The following TUBE1 variants were observed in gnomAD, a reference collection of about 807,000 sequenced individuals.
TUBE1 encodes the protein tubulin epsilon 1.
A neutral mutation model predicts 53.5 loss-of-function variants in TUBE1; 34 were observed. That is an observed-to-expected ratio of 0.64 (90% CI 0.48 to 0.85). The LOEUF (loss-of-function observed/expected upper bound fraction) is 0.85, where lower values mean the gene tolerates loss of function less well. Ranked by LOEUF, TUBE1 falls within the 40% of genes least tolerant of loss-of-function variation. The pLI is 0.00. For missense variants in TUBE1, 532 were observed against 570.5 expected, an observed-to-expected ratio of 0.93 and a Z score of 0.69; for synonymous variants, 177 against 198.4, an observed-to-expected ratio of 0.89 and a Z score of 0.91.
chr6:112,072,753 C>T lies in TUBE1; in HGVS notation c.1094+5G>A. The stretch of plus-strand genomic sequence containing the variant: ...ACAAATTATCTTTAAAAATATAAAC[C>T]AAACCTTTCAATATTTCTACGAAGA... On this transcript the variant is annotated splice_donor_5th_base_variant and intron_variant, in intron 10 of 11. Transcript: ENST00000368662. The T allele has an allele frequency of 6.2e-7, 1 of 1,612,040 alleles. No individual in the cohort carries two copies. Among genetic ancestry groups the T allele is most frequent in the Non-Finnish European group, 8.5e-7 (1 of 1,178,936 alleles).
intron 6 of TUBE1, 152 bp downstream of exon 6, chr6:112,079,481 T>C (rs1583595746): frequency 3.6e-6 from 2 of 557,818 alleles, no homozygotes; most frequent in South Asian, 6.1e-5. Flanking sequence ...AATTTTAAGA[T>C]AAAAAGGTGT....
In TUBE1 at chr6:112,071,934, T is replaced by C; in HGVS notation, c.1237A>G (p.Lys413Glu). The C allele has an allele frequency of 1.2e-6, 2 of 1,609,332 alleles. No homozygotes were observed. The highest frequency in any genetic ancestry group is 1.7e-6 in the Non-Finnish European group (2 of 1,178,848). The part of the protein sequence containing the change: ...TCVKPTFMEL[K>E]ERFMRLYKKK... ...TTGTAGAGCCTCATGAATCTCTCTT[T>C]CAGTTCCATGAAGGTGGGCTTCACA... Residue 413 changes from lysine to glutamate, a missense_variant, in exon 11 of 12, where the codon AAA becomes GAA. Physicochemically the swap from Lys to Glu is moderately conservative, Grantham distance 56. Coordinates refer to ENST00000368662, the MANE Select transcript of TUBE1 (RefSeq NM_016262.5).
chr6:112,084,263 T>G lies in TUBE1; in HGVS notation c.153-17A>C. 1 of 1,604,512 alleles carries G rather than the reference T, an allele frequency of 6.2e-7. No individual in the cohort carries two copies. Among genetic ancestry groups the G allele is most frequent in the Non-Finnish European group, 8.5e-7 (1 of 1,172,202 alleles). ...CCAACCACTCTGAAAGATAAAAAAATGAGAAATGGTCATAAGATCTTCCAT... is the reference window on the plus strand; with the variant it reads ...CCAACCACTCTGAAAGATAAAAAAAGGAGAAATGGTCATAAGATCTTCCAT... On this transcript the variant is annotated splice_polypyrimidine_tract_variant and intron_variant, in intron 3 of 11. Coordinates refer to ENST00000368662, the MANE Select transcript of TUBE1 (RefSeq NM_016262.5).
chr6:112,072,605 A>C (rs1315378000), intron 10 of TUBE1, among the ~76,000 whole-genome samples, 153 bp downstream of exon 10: 1 of 152,198 alleles, frequency 6.6e-6, no homozygotes, highest in Non-Finnish European at 1.5e-5. Context: ...TTACACTTGA[A>C]GAAAACAAGG....
chr6:112,079,487 G>A (rs1777033366), intron 6 of TUBE1, 146 bp downstream of exon 6: 2 of 584,124 alleles, frequency 3.4e-6, no homozygotes, highest in Non-Finnish European at 5.5e-6. Context: ...AAGATAAAAA[G>A]GTGTATGTTT....
intron 5 of TUBE1, 113 bp from the exon 6 acceptor site, chr6:112,079,867 TAAGTA>T (rs781901921): frequency 3.0e-5 from 30 of 993,460 alleles, no homozygotes; most frequent in Non-Finnish European, 4.1e-5. Flanking sequence ...CTTATTGAGC[TAAGTA>T]AAGTCTATTC....
At chr6:112,074,618 A>C (rs1028361755) in intron 9 of TUBE1, 92 bp downstream of exon 9, 2 of 943,234 alleles carry the variant, frequency 2.1e-6, no homozygotes, top group Non-Finnish European at 2.9e-6. Flanking sequence ...GATACAATTA[A>C]ATAACTAGAG....
At chr6:112,073,946 C>T (rs1231060205) in intron 9 of TUBE1, among the ~76,000 whole-genome samples, 4 of 152,084 alleles carry the variant, frequency 2.6e-5, no homozygotes, top group South Asian at 4.2e-4. Context: ...CACTATGTTG[C>T]CCCGGCTGGT....
In TUBE1 at chr6:112,084,070, T is replaced by A. The variant is rs587700489; in HGVS notation, c.210+119A>T. Reference sequence around the variant, plus strand: ...TCTGCTTAGTTATATTTATATTAAATGTGGCTTAGTAATTTTTTTCTACTT... The same window carrying A: ...TCTGCTTAGTTATATTTATATTAAAAGTGGCTTAGTAATTTTTTTCTACTT... On this transcript the variant is annotated intron_variant, in intron 4 of 11. Coordinates refer to ENST00000368662, the MANE Select transcript of TUBE1 (RefSeq NM_016262.5). The A allele has an allele frequency of 3.3e-5, 25 of 749,342 alleles. No homozygotes were observed. In the East Asian group the frequency reaches 6.2e-4, roughly 19 times the overall value. 46.4% of individuals were successfully genotyped at this position (749,342 alleles called of 1,614,324 possible).
chr6:112,081,205 T>C lies in TUBE1; in HGVS notation c.213A>G (p.Ala71=), dbSNP rs1562605245. Residue 71 remains alanine, a splice_region_variant and synonymous_variant, in exon 5 of 12, where the codon GCA becomes GCG. Coordinates refer to ENST00000368662, the MANE Select transcript of TUBE1 (RefSeq NM_016262.5). ...KGKICSLKAR[A]VLIDMEEGVV... ...CCCCTTCTTCCATATCAATCAAGAC[T>C]GCCTGAGAAAGAAAAATAAAATATA... 2 of 1,540,856 alleles carry C rather than the reference T, an allele frequency of 1.3e-6. No homozygotes were observed. The highest frequency in any genetic ancestry group is 1.8e-6 in the Non-Finnish European group (2 of 1,126,102).
intron 4 of TUBE1, 56 bp from the exon 5 acceptor site, chr6:112,081,263 T>C: frequency 2.0e-6 from 2 of 983,682 alleles, no homozygotes; most frequent in South Asian, 1.5e-5. Context: ...TTATTCACTC[T>C]GTAAATGAAA....
In TUBE1 at chr6:112,072,025, G is replaced by T. The variant is rs782439730; in HGVS notation, c.1146C>A (p.Thr382=). The T allele has an allele frequency of 1.9e-5, 30 of 1,610,034 alleles. 1 individual carries two copies. The African/African-American group carries it at 3.8e-4, about 20-fold the overall frequency. Residue 382 remains threonine (T), a synonymous_variant, in exon 11 of 12, where the codon ACC becomes ACA. Coordinates refer to ENST00000368662, the MANE Select transcript of TUBE1 (RefSeq NM_016262.5). ...FVSWNQEGWK[T]SLCSVPPVGH... Reference sequence around the variant, plus strand: ...CCACAGGAGGTACGGAACACAGGCTGGTCTTCCAGCCTTCTTGATTCCAGG... The same window carrying T: ...CCACAGGAGGTACGGAACACAGGCTTGTCTTCCAGCCTTCTTGATTCCAGG...
chr6:112,071,855 A>C, intron 11 of TUBE1, 47 bp downstream of exon 11: 2 of 1,525,336 alleles, frequency 1.3e-6, no homozygotes, highest in Non-Finnish European at 1.8e-6. Flanking sequence ...ATACATCTTA[A>C]ATAGCCAAAA....
Position 112,084,384 on chromosome 6 carries a change from C to G in TUBE1, c.153-138G>C, listed in dbSNP as rs111833568. ...GGCAGACACAACAGCTATTCCTAAT[C>G]TCTTTCTTCCTTGCTTACCTCCCAT... On this transcript the variant is annotated intron_variant, in intron 3 of 11. Transcript: ENST00000368662. The G allele has an allele frequency of 7.5e-6, 5 of 668,494 alleles. No homozygotes were observed. In the South Asian group the frequency reaches 8.1e-5, roughly 11 times the overall value. 41.4% of individuals were successfully genotyped at this position (668,494 alleles called of 1,614,324 possible).
chr6:112,080,609 T>C (rs1777054516), intron 5 of TUBE1, among the ~76,000 whole-genome samples: 1 of 152,120 alleles, frequency 6.6e-6, no homozygotes, highest in African/African-American at 2.4e-5. Flanking sequence ...ACAGTCTCAA[T>C]GTGAATTCTT....
intron 2 of TUBE1, 139 bp from the exon 3 acceptor site, chr6:112,086,747 G>T: frequency 1.6e-6 from 1 of 607,838 alleles, no homozygotes; most frequent in South Asian, 2.2e-5. Context: ...AAAATGCGGA[G>T]CCTGACTCTT....
intron 8 of TUBE1, 67 bp from the exon 9 acceptor site, chr6:112,074,917 A>G (rs782651963): frequency 7.1e-6 from 8 of 1,133,520 alleles, no homozygotes; most frequent in Non-Finnish European, 9.6e-6. Context: ...ATGTAGCTCG[A>G]TTTATTCAGC....
intron 9 of TUBE1, among the ~76,000 whole-genome samples, chr6:112,074,242 C>T (rs1276474714): frequency 6.6e-6 from 1 of 152,080 alleles, no homozygotes; most frequent in Non-Finnish European, 1.5e-5. Context: ...AGTTATAAAG[C>T]AAGGTGTTCT....
At position 112,076,502 on chromosome 6, in the gene TUBE1, T is replaced by A. The variant is rs1554316115; in HGVS notation, c.456A>T (p.Gly152=). The A allele has an allele frequency of 6.3e-7, 1 of 1,595,098 alleles. No homozygotes were observed. The highest frequency in any genetic ancestry group is 1.1e-5 in the South Asian group (1 of 87,690). ...FIIHSMGGGT[G]SGLGTFLLKV... The stretch of plus-strand genomic sequence containing the variant: ...TTAAAAGAAATGTGCCAAGTCCAGA[T>A]CCTGTTCCTGAGGATTAAAGTGTTT... Residue 152 remains glycine, a synonymous_variant, in exon 7 of 12, where the codon GGA becomes GGT. Transcript: ENST00000368662.
Sources: gnomAD v4.1 joint callset for allele counts (sites outside exome capture counted in the v4.1 genomes callset) on GRCh38, gnomAD v4.1.1 for gene constraint, MANE v1.5 for transcripts, NCBI Gene and HGNC (gene_info 2026-07-23, HGNC 2026-07-21) for gene names.